PTPRD: variants seen among roughly 807,000 people sequenced by gnomAD.
PTPRD encodes the protein protein tyrosine phosphatase receptor type D.
Under a neutral mutation model 214.5 loss-of-function variants are expected in PTPRD, and 34 were observed. That is an observed-to-expected ratio of 0.16 (90% CI 0.12 to 0.21). PTPRD has a LOEUF of 0.21. PTPRD is among the 10% of genes least tolerant of loss of function. PTPRD has a pLI of 1.00. For synonymous variants in PTPRD, 1,128 were observed against 845.7 expected, an observed-to-expected ratio of 1.33 and a Z score of -5.79; for missense variants, 2,545 against 2,398.7, an observed-to-expected ratio of 1.06 and a Z score of -1.27.
In PTPRD at chr9:10,023,028, C is replaced by G. The variant is rs1389635897; in HGVS notation, c.-472+10690G>C. ...GTACTAGACGCATATATTCTTTGTCCAACTGTTAAAATTAAAATAATATTT... is the reference window on the plus strand; with the variant it reads ...GTACTAGACGCATATATTCTTTGTCGAACTGTTAAAATTAAAATAATATTT... On this transcript the variant is annotated intron_variant, in intron 4 of 45. Coordinates refer to ENST00000381196, the MANE Select transcript of PTPRD (RefSeq NM_002839.4). Among the ~76,000 whole-genome samples, 3 of 152,076 alleles carry G rather than the reference C, an allele frequency of 2.0e-5. No individual in the cohort carries two copies. In the East Asian group the frequency reaches 5.8e-4, roughly 29 times the overall value.
chr9:8,730,210 C>G (rs1237972633), intron 12 of PTPRD, among the ~76,000 whole-genome samples: 1 of 152,014 alleles, frequency 6.6e-6, no homozygotes, highest in Non-Finnish European at 1.5e-5. Context: ...GAGCCGAGAT[C>G]GCGCCACTGC....
At chr9:9,376,429 T>C (rs1347632900) in intron 9 of PTPRD, among the ~76,000 whole-genome samples, 1 of 152,138 alleles carries the variant, frequency 6.6e-6, no homozygotes, top group African/African-American at 2.4e-5. Flanking sequence ...AATTACAACA[T>C]GCATGCAATT....
intron 7 of PTPRD, among the ~76,000 whole-genome samples, chr9:9,711,553 G>A (rs2097730128): frequency 1.3e-5 from 2 of 152,176 alleles, no homozygotes; most frequent in Admixed American, 1.3e-4. Context: ...TCTCAGAGAT[G>A]GGACATATAC....
At chr9:8,687,398 C>T (rs1316497299) in intron 12 of PTPRD, among the ~76,000 whole-genome samples, 1 of 152,130 alleles carries the variant, frequency 6.6e-6, no homozygotes, top group African/African-American at 2.4e-5. Context: ...CAAAGGAAAA[C>T]CAATATGAAT....
chr9:8,556,769 G>C (rs904188136), intron 14 of PTPRD, among the ~76,000 whole-genome samples: 11 of 152,116 alleles, frequency 7.2e-5, no homozygotes, highest in Admixed American at 3.3e-4. Context: ...AAGAATCCAA[G>C]CAGAAAATAT....
intron 12 of PTPRD, among the ~76,000 whole-genome samples, chr9:8,716,081 T>G (rs2098431598): frequency 6.6e-6 from 1 of 152,184 alleles, no homozygotes; most frequent in African/African-American, 2.4e-5. Flanking sequence ...AAAAAGGAGC[T>G]CCAGCAACCA....
At chr9:8,994,661 A>AG (rs1229665442) in intron 11 of PTPRD, among the ~76,000 whole-genome samples, 23 of 151,940 alleles carry the variant, frequency 1.5e-4, no homozygotes, top group Admixed American at 3.3e-4. Flanking sequence ...TTACGGTTGG[A>AG]GGGGGGGTGT....
intron 3 of PTPRD, among the ~76,000 whole-genome samples, chr9:10,128,762 A>G (rs991910395): frequency 1.3e-5 from 2 of 152,064 alleles, no homozygotes; most frequent in Non-Finnish European, 2.9e-5. Flanking sequence ...AACCATCACA[A>G]ACTGTTTTTC....
chr9:10,205,569 C>G (rs2154337310), intron 3 of PTPRD, among the ~76,000 whole-genome samples: 1 of 151,876 alleles, frequency 6.6e-6, no homozygotes, highest in South Asian at 2.1e-4. Flanking sequence ...CCACACCAGC[C>G]TAATTTTTTA....
At chr9:8,700,069 C>A (rs554370621) in intron 12 of PTPRD, among the ~76,000 whole-genome samples, 4 of 152,242 alleles carry the variant, frequency 2.6e-5, no homozygotes, top group African/African-American at 7.2e-5. Context: ...TGCCAGTAAT[C>A]AATGGTTTTT....
At chr9:9,161,386 T>C (rs2099888406) in intron 10 of PTPRD, among the ~76,000 whole-genome samples, 1 of 152,164 alleles carries the variant, frequency 6.6e-6, no homozygotes, top group Non-Finnish European at 1.5e-5. Flanking sequence ...GATCTAACTC[T>C]TCTTTTTCAT....
intron 3 of PTPRD, among the ~76,000 whole-genome samples, chr9:10,162,547 TAG>T (rs1407032511): frequency 2.0e-5 from 3 of 149,760 alleles, no homozygotes; most frequent in African/African-American, 7.3e-5. Flanking sequence ...CCAGAAAGGG[TAG>T]AGAGTAGAAG....
chr9:9,945,222 C>T (rs558898499), intron 4 of PTPRD, among the ~76,000 whole-genome samples: 4 of 152,076 alleles, frequency 2.6e-5, no homozygotes, highest in African/African-American at 9.6e-5. Context: ...GCCCGTTAGG[C>T]ATTTGAATAA....
At chr9:8,400,648 T>C (rs781665580) in intron 36 of PTPRD, among the ~76,000 whole-genome samples, 20 of 152,192 alleles carry the variant, frequency 1.3e-4, no homozygotes, top group Non-Finnish European at 4.4e-5. Context: ...GAAAGTGTTA[T>C]GAGTGATGTG....
At chr9:10,551,596 T>C (rs1309676005) in intron 2 of PTPRD, among the ~76,000 whole-genome samples, 2 of 152,192 alleles carry the variant, frequency 1.3e-5, no homozygotes, top group Non-Finnish European at 2.9e-5. Flanking sequence ...ATTAAGTCTA[T>C]ATCTATAAAC....
At chr9:9,933,157 T>C (rs560278823) in intron 5 of PTPRD, among the ~76,000 whole-genome samples, 1 of 151,922 alleles carries the variant, frequency 6.6e-6, no homozygotes, top group South Asian at 2.1e-4. Context: ...GACTAGGAAG[T>C]AACTGCATCA....
intron 7 of PTPRD, among the ~76,000 whole-genome samples, chr9:9,653,333 A>G (rs2096418004): frequency 8.6e-6 from 1 of 115,646 alleles, no homozygotes; most frequent in African/African-American, 3.3e-5. Flanking sequence ...TGGGCGACAG[A>G]GCGAGACTCC....
At chr9:10,194,369 G>T (rs1381759806) in intron 3 of PTPRD, among the ~76,000 whole-genome samples, 1,245 of 46,808 alleles carry the variant, frequency 0.027, 14 homozygotes, top group East Asian at 0.031. Context: ...GAGAGAGAGA[G>T]AGAGAGAGAG....
intron 2 of PTPRD, among the ~76,000 whole-genome samples, chr9:10,425,275 CA>C (rs537250707): frequency 6.6e-6 from 1 of 151,672 alleles, no homozygotes; most frequent in Non-Finnish European, 1.5e-5. Flanking sequence ...AAATGCTAAA[CA>C]AAAAAAATCC....
Sources: gnomAD v4.1 joint callset for allele counts (sites outside exome capture counted in the v4.1 genomes callset) on GRCh38, gnomAD v4.1.1 for gene constraint, MANE v1.5 for transcripts, NCBI Gene and HGNC (gene_info 2026-07-23, HGNC 2026-07-21) for gene names.